Variants in MUC5AC observed in about 807,000 individuals in gnomAD.
MUC5AC encodes mucin 5AC, oligomeric mucus/gel-forming, also known as mucin-5AC.
Under a neutral mutation model 169.7 loss-of-function variants are expected in MUC5AC, and 158 were observed. The ratio of observed to expected loss-of-function variants is 0.93; its 90% CI spans 0.82 to 1.06. MUC5AC has a LOEUF of 1.06. MUC5AC is among the 50% of genes least tolerant of loss of function. The probability of loss-of-function intolerance (pLI) is 0.00; values close to 1 mark genes in which losing one functional copy is unlikely to be tolerated. For synonymous variants in MUC5AC, 1,975 were observed against 1,237.0 expected (o/e 1.60, Z -12.52); for missense variants, 4,359 against 3,089.9 (o/e 1.41, Z -9.74).
chr11:1,165,720 A>C lies in MUC5AC; in HGVS notation c.1346A>C (p.Gln449Pro). The C allele has an allele frequency of 6.2e-7, 1 of 1,612,428 alleles. No individual in the cohort carries two copies. Among genetic ancestry groups the C allele is most frequent in the Non-Finnish European group, 8.5e-7 (1 of 1,179,748 alleles). The change falls in exon 11 of 49, where the codon CAA (glutamine) becomes CCA (proline). Residue 449 changes from glutamine to proline, a missense_variant. Coordinates refer to ENST00000621226, the MANE Select transcript of MUC5AC (RefSeq NM_001304359.2). ...CACTTCTCAACGTTTGACGGGAAGC[A>C]ATACACGGTGCACGGCGACTGCAGC... Reference protein sequence around the residue: ...GAHFSTFDGKQYTVHGDCSYV... With the variant: ...GAHFSTFDGKPYTVHGDCSYV...
Position 1,193,548 on chromosome 11 carries a change from T to A in MUC5AC, c.14644T>A (p.Ser4882Thr), listed in dbSNP as rs1206992242. 1.3e-6 allele frequency: 1 copy of A among 763,326 alleles called. No homozygotes were observed. The highest frequency in any genetic ancestry group is 1.3e-5 in the South Asian group (1 of 74,256). 47.3% of individuals were successfully genotyped at this position (763,326 alleles called of 1,614,324 possible). A position where few individuals can be genotyped will look rare whatever the true frequency, so the allele number is the denominator to read the frequency against. The change falls in exon 33 of 49, where the codon TCC (serine) becomes ACC (threonine). Residue 4882 changes from serine (S) to threonine (T), a missense_variant. Transcript: ENST00000621226. ...EATCEGNNVI[S>T]LRPRTCPRVE... ...CACCTGTGAGGGCAACAACGTCATC[T>A]CCCTGCGCCCGCGCACGTGCCCGAG... is the stretch of plus-strand genomic sequence containing the variant.
chr11:1,200,076 C>T, intron 48 of MUC5AC, 107 bp downstream of exon 48: 1 of 620,504 alleles, frequency 1.6e-6, no homozygotes. Flanking sequence ...CATGAGGGGC[C>T]AGGCAAAGGG....
intron 2 of MUC5AC, 107 bp from the exon 3 acceptor site, chr11:1,161,420 C>T (rs1860136909): frequency 1.6e-5 from 14 of 887,518 alleles, no homozygotes; most frequent in Admixed American, 6.5e-5. Flanking sequence ...GAGTTGGCTT[C>T]GGAGCCAGGA....
chr11:1,182,100 G>GCCCCGCTCA (rs1860827958), intron 30 of MUC5AC, 55 bp from the exon 31 acceptor site: 1 of 398,172 alleles, frequency 2.5e-6, no homozygotes, highest in Non-Finnish European at 4.4e-6. Context: ...GGGAGGGGCG[G>GCCCCGCTCA]GCGGCCCCCA....
In MUC5AC at chr11:1,198,321, C is replaced by A. The variant is rs373583006; in HGVS notation, c.16173+16C>A. The A allele has an allele frequency of 5.1e-5, 38 of 740,474 alleles. No homozygotes were observed. The highest frequency in any genetic ancestry group is 4.8e-4 in the African/African-American group (28 of 58,638). 45.9% of individuals were successfully genotyped at this position (740,474 alleles called of 1,614,324 possible). ...CCTGTACCAGGTAAGAGCCACGGAG[C>A]TCAGACCCCCTCAGCCATAGGGACG... On this transcript the variant is annotated intron_variant, in intron 43 of 48. Transcript: ENST00000621226.
In MUC5AC at chr11:1,187,697, T is replaced by C. The variant is rs1860988715; in HGVS notation, c.9552T>C (p.Pro3184=). ...CTACAACCAGCACAACCCCTGGTCC[T>C]GGAACCACTCCCAGCCCCGTTCCCA... is the stretch of plus-strand genomic sequence containing the variant. ...SASTTSTTPG[P]GTTPSPVPTT... is the part of the protein sequence containing the mutation. Residue 3184 remains proline, a synonymous_variant, in exon 31 of 49, where the codon CCT becomes CCC. Transcript: ENST00000621226. 1.3e-6 allele frequency: 1 copy of C among 764,758 alleles called. No homozygotes were observed. The highest frequency in any genetic ancestry group is 1.7e-5 in the African/African-American group (1 of 59,016). The allele number at this position is 764,758 out of a possible 1,614,324, so 47.4% of individuals were successfully genotyped here.
Position 1,167,882 on chromosome 11 carries a change from T to A in MUC5AC, c.1392T>A (p.Cys464Ter). The A allele has an allele frequency of 6.5e-7, 1 of 1,550,212 alleles. No homozygotes were observed. Among genetic ancestry groups the A allele is most frequent in the Non-Finnish European group, 8.7e-7 (1 of 1,146,900 alleles). ...TGGTGTGTCGTGTTCCGCAGCCCTGTGACAGCAGTGCCTTCACTGTACTGG... is the reference window on the plus strand; with the variant it reads ...TGGTGTGTCGTGTTCCGCAGCCCTGAGACAGCAGTGCCTTCACTGTACTGG... ...GDCSYVLTKP[C>*]DSSAFTVLAE... is the part of the protein sequence containing the mutation. Residue 464 changes from cysteine (C) to a stop codon, truncating the protein, a stop_gained, in exon 12 of 49, where the codon TGT (cysteine) becomes TGA (stop). Transcript: ENST00000621226. LOFTEE classifies it high-confidence loss of function.
rs1385558871 is a variant in MUC5AC at position 1,189,775 on chromosome 11, C to A, written c.11630C>A (p.Thr3877Asn). Residue 3877 changes from threonine to asparagine, a missense_variant, in exon 31 of 49, where the codon ACC becomes AAC. Thr to Asn is a moderately conservative substitution (Grantham distance 65). Coordinates refer to ENST00000621226, the MANE Select transcript of MUC5AC (RefSeq NM_001304359.2). Reference protein sequence around the residue: ...PTASTISAPTTSTTSFHTTST... With the variant: ...PTASTISAPTNSTTSFHTTST... Reference sequence around the variant, plus strand: ...GCCAGCACAATCTCTGCCCCTACAACCAGCACAACCTCTTTCCATACAACC... The same window carrying A: ...GCCAGCACAATCTCTGCCCCTACAAACAGCACAACCTCTTTCCATACAACC... The A allele has an allele frequency of 1.2e-5, 8 of 692,244 alleles. No homozygotes were observed. Among genetic ancestry groups the A allele is most frequent in the East Asian group, 2.6e-5 (1 of 37,936 alleles). 42.9% of individuals were successfully genotyped at this position (692,244 alleles called of 1,614,324 possible).
At position 1,171,865 on chromosome 11, in the gene MUC5AC, A is replaced by C. The variant is rs1333447900; in HGVS notation, c.1871-564A>C. 5.4e-5 allele frequency among the ~76,000 whole-genome samples: 7 copies of C among 128,934 alleles called. No homozygotes were observed. The East Asian group carries it at 1.6e-3, about 30-fold the overall frequency. 84.6% of individuals were successfully genotyped at this position (128,934 alleles called of 152,430 possible). A position where few individuals can be genotyped will look rare whatever the true frequency, so the allele number is the denominator to read the frequency against. On this transcript the variant is annotated intron_variant, in intron 15 of 48. Coordinates refer to ENST00000621226, the MANE Select transcript of MUC5AC (RefSeq NM_001304359.2). ...CACTCACCCACTCACCCATTCACTC[A>C]CTCACCCATTCACCCACTCACCCAC...
rs972486414 is a variant in MUC5AC at position 1,174,546 on chromosome 11, C to T, written c.2016C>T (p.Cys672=). 73 of 1,563,218 alleles carry T rather than the reference C, an allele frequency of 4.7e-5. No homozygotes were observed. Among genetic ancestry groups the T allele is most frequent in the East Asian group, 3.3e-4 (14 of 42,126 alleles). The change falls in exon 17 of 49, where the codon TGC becomes TGT. Residue 672 remains cysteine, a synonymous_variant. Transcript: ENST00000621226. Reference sequence around the variant, plus strand: ...GTGAGCGGAGCGAGGACTGCCTGTGCGCCGCGCTGTCCTCCTACGTGCACG... The same window carrying T: ...GTGAGCGGAGCGAGGACTGCCTGTGTGCCGCGCTGTCCTCCTACGTGCACG... ...CNCERSEDCL[C]AALSSYVHAC... is the part of the protein sequence containing the mutation.
chr11:1,194,257 G>A lies in MUC5AC; in HGVS notation c.14903G>A (p.Gly4968Asp). The change falls in exon 34 of 49, where the codon GGT becomes GAT. Residue 4968 changes from glycine (G) to aspartate (D), a missense_variant. By Grantham distance (94) the Gly-to-Asp change is moderately conservative. Coordinates refer to ENST00000621226, the MANE Select transcript of MUC5AC (RefSeq NM_001304359.2). ...FRVLVDNYFC[G>D]AEDGLSCPRS... is the part of the protein sequence containing the mutation. ...GTGCTCGTCGACAACTACTTCTGCG[G>A]TGCGGAGGACGGGCTCTCCTGCCCG... is the stretch of plus-strand genomic sequence containing the variant. 1.3e-6 allele frequency: 1 copy of A among 764,536 alleles called. No homozygotes were observed. Among genetic ancestry groups the A allele is most frequent in the East Asian group, 2.4e-5 (1 of 41,228 alleles). The allele number at this position is 764,536 out of a possible 1,614,324, so 47.4% of individuals were successfully genotyped here. A position where few individuals can be genotyped will look rare whatever the true frequency, so the allele number is the denominator to read the frequency against.
rs1446681216 is a variant in MUC5AC, at chr11:1,181,437, C to T, written c.3987C>T (p.Phe1329=). ...SPTTPVPPTT[F]SFSTPPLVVS... is the part of the protein sequence containing the mutation. ...CCACCCCTGTCCCCCCAACCACCTTCTCCTTCTCCACACCCCCGCTTGGTA... is the reference window on the plus strand; with the variant it reads ...CCACCCCTGTCCCCCCAACCACCTTTTCCTTCTCCACACCCCCGCTTGGTA... The change falls in exon 30 of 49, where the codon TTC becomes TTT. Residue 1329 remains phenylalanine (F), a synonymous_variant. Transcript: ENST00000621226. The T allele has an allele frequency of 5.5e-6, 2 of 366,078 alleles. No individual in the cohort carries two copies. Among genetic ancestry groups the T allele is most frequent in the African/African-American group, 2.2e-5 (1 of 45,594 alleles). 22.7% of individuals were successfully genotyped at this position (366,078 alleles called of 1,614,324 possible). A position where few individuals can be genotyped will look rare whatever the true frequency, so the allele number is the denominator to read the frequency against.
rs1230026003 is a variant in MUC5AC at position 1,175,767 on chromosome 11, C to T, written c.2402-384C>T. Among the ~76,000 whole-genome samples, 30 of 139,178 alleles carry T rather than the reference C, an allele frequency of 2.2e-4. 1 individual carries two copies. The highest frequency in any genetic ancestry group is 1.2e-3 in the East Asian group (5 of 4,306). 91.3% of individuals were successfully genotyped at this position (139,178 alleles called of 152,430 possible). A position where few individuals can be genotyped will look rare whatever the true frequency, so the allele number is the denominator to read the frequency against. On this transcript the variant is annotated intron_variant, in intron 19 of 48. Transcript: ENST00000621226. ...CGTCATGCACCCACACTCATGCACA[C>T]GCTCACACACCCACATGCACACGCA...
At position 1,187,173 on chromosome 11, in the gene MUC5AC, A is replaced by T; in HGVS notation, c.9028A>T (p.Thr3010Ser). Residue 3010 changes from threonine to serine, a missense_variant, in exon 31 of 49, where the codon ACC becomes TCC. Physicochemically the swap from Thr to Ser is moderately conservative, Grantham distance 58. Transcript: ENST00000621226. ...AACCAGCACAATCTCGGCCCCAACA[A>T]CCAGCACACCCTCTGCCCCTACAAC... ...PTTSTISAPT[T>S]STPSAPTTST... 1.4e-6 allele frequency: 1 copy of T among 705,546 alleles called. No individual in the cohort carries two copies. The highest frequency in any genetic ancestry group is 2.7e-5 in the East Asian group (1 of 37,090). The allele number at this position is 705,546 out of a possible 1,614,324, so 43.7% of individuals were successfully genotyped here. A position where few individuals can be genotyped will look rare whatever the true frequency, so the allele number is the denominator to read the frequency against.
chr11:1,194,914 A>G (rs1375081630), intron 35 of MUC5AC, 98 bp from the exon 36 acceptor site: 2 of 634,664 alleles, frequency 3.2e-6, no homozygotes, highest in African/African-American at 1.8e-5. Context: ...CAGTTCACCA[A>G]GTTGTGACCC....
rs540753571 is a variant in MUC5AC at position 1,196,282 on chromosome 11, C to T, written c.15638-106C>T. The T allele has an allele frequency of 1.0e-4, 74 of 709,798 alleles. No homozygotes were observed. In the African/African-American group the frequency reaches 1.2e-3, roughly 12 times the overall value. The allele number at this position is 709,798 out of a possible 1,614,324, so 44.0% of individuals were successfully genotyped here. A position where few individuals can be genotyped will look rare whatever the true frequency, so the allele number is the denominator to read the frequency against. ...GAGGCCGTAGCCAGGCCCAGGCCCA[C>T]AGGTGGCTGCGGGCAGCTCCGGAGC... On this transcript the variant is annotated intron_variant, in intron 37 of 48. Coordinates refer to ENST00000621226, the MANE Select transcript of MUC5AC (RefSeq NM_001304359.2).
intron 9 of MUC5AC, 48 bp downstream of exon 9, chr11:1,164,580 G>A: frequency 3.2e-6 from 5 of 1,564,312 alleles, no homozygotes; most frequent in East Asian, 2.3e-5. Context: ...CCGACAACTA[G>A]GGGGCTGTGC....
rs1258727947 is a variant in MUC5AC, at chr11:1,177,088, C to T, written c.2793+22C>T. On this transcript the variant is annotated intron_variant, in intron 22 of 48. Transcript: ENST00000621226. ...GCAGGTGAGCCGGCGCGTTTGGGGT[C>T]CTCACGGCGGCCCCCGTGGCCCGAA... The T allele has an allele frequency of 8.0e-5, 32 of 398,618 alleles. No homozygotes were observed. In the East Asian group the frequency reaches 1.1e-3, roughly 14 times the overall value. The allele number at this position is 398,618 out of a possible 1,614,324, so 24.7% of individuals were successfully genotyped here.
intron 24 of MUC5AC, among the ~76,000 whole-genome samples, chr11:1,177,914 C>T (rs907723541): frequency 9.4e-6 from 1 of 106,316 alleles, no homozygotes; most frequent in African/African-American, 3.9e-5. Flanking sequence ...CAGGGCCGAA[C>T]TCTTTCAGAA....
Sources: allele counts gnomAD v4.1 joint callset (sites outside exome capture counted in the v4.1 genomes callset), GRCh38; gene constraint gnomAD v4.1.1; transcripts MANE v1.5; gene names NCBI Gene and HGNC (gene_info 2026-07-23, HGNC 2026-07-21).